The following ADAM12 variants were observed in gnomAD, a reference collection of about 807,000 sequenced individuals.
ADAM12 encodes ADAM metallopeptidase domain 12.
In ADAM12, 70 loss-of-function variants were observed where a neutral mutation model predicts 106.4. The ratio of observed to expected loss-of-function variants is 0.66; its 90% confidence interval spans 0.54 to 0.80. The LOEUF is 0.80. Ranked by LOEUF, ADAM12 falls within the 30% of genes least tolerant of loss-of-function variation. The probability of loss-of-function intolerance (pLI) is 0.00; values close to 1 mark genes in which losing one functional copy is unlikely to be tolerated. For synonymous variants in ADAM12, 420 were observed against 433.5 expected (o/e 0.97, Z 0.39); for missense variants, 1,010 against 1,171.9 (o/e 0.86, Z 2.02).
Position 126,043,767 on chromosome 10 carries a change from G to A in ADAM12, c.1996-619C>T, listed in dbSNP as rs1228132474. Among the ~76,000 whole-genome samples the A allele has an allele frequency of 6.6e-6, 1 of 152,238 alleles. No individual in the cohort carries two copies. Among genetic ancestry groups the A allele is most frequent in the Non-Finnish European group, 1.5e-5 (1 of 68,048 alleles). ...CCCGTGTGTCCTTCCTGCAACGCCT[G>A]CCTCCTTCTTGCAGAGGTTCCCAGT... On this transcript the variant is annotated intron_variant, in intron 17 of 22. Coordinates refer to ENST00000448723, the MANE Select transcript of ADAM12 (RefSeq NM_001288973.2). This position sits in a 1 kb window ranked among gnomAD's most constrained non-coding sequence, Gnocchi z 4.1.
chr10:126,184,622 G>T (rs1957367411), intron 3 of ADAM12, among the ~76,000 whole-genome samples: 1 of 152,132 alleles, frequency 6.6e-6, no homozygotes, highest in African/African-American at 2.4e-5. Flanking sequence ...ATTTTTCATG[G>T]TTTTGTCAAA....
intron 4 of ADAM12, among the ~76,000 whole-genome samples, chr10:126,139,014 A>G (rs955812498): frequency 1.3e-5 from 2 of 151,934 alleles, no homozygotes; most frequent in South Asian, 4.2e-4. Context: ...TCTCCAAATC[A>G]TTTTCTTTTG....
intron 1 of ADAM12, among the ~76,000 whole-genome samples, chr10:126,371,126 G>A (rs1431237846): frequency 6.6e-6 from 1 of 152,212 alleles, no homozygotes; most frequent in Non-Finnish European, 1.5e-5. Context: ...GAATGTCCTA[G>A]CCTTGGCTTT....
chr10:126,214,394 T>A (rs1001375594), intron 3 of ADAM12, among the ~76,000 whole-genome samples: 2 of 152,208 alleles, frequency 1.3e-5, no homozygotes, highest in Non-Finnish European at 2.9e-5. Flanking sequence ...ATAACATTTA[T>A]AAAGCACTTA....
At chr10:126,369,097 T>C (rs1421531957) in intron 1 of ADAM12, among the ~76,000 whole-genome samples, 16 of 152,230 alleles carry the variant, frequency 1.1e-4, no homozygotes. Flanking sequence ...ACCTTTTCCA[T>C]ATCAAATATT....
chr10:126,244,575 G>C (rs559116436), intron 3 of ADAM12, among the ~76,000 whole-genome samples: 1 of 152,308 alleles, frequency 6.6e-6, no homozygotes, highest in East Asian at 1.9e-4. Flanking sequence ...TCTTCCTTCA[G>C]CAGGAAAGTG....
chr10:126,238,201 C>T (rs1047593922), intron 3 of ADAM12, among the ~76,000 whole-genome samples: 3 of 152,158 alleles, frequency 2.0e-5, no homozygotes, highest in African/African-American at 4.8e-5. Flanking sequence ...AAATCCTGGC[C>T]GGGCAGGGTG....
chr10:126,251,939 TG>T, intron 3 of ADAM12, among the ~76,000 whole-genome samples: 1 of 19,058 alleles, frequency 5.2e-5, no homozygotes, highest in East Asian at 1.3e-3. Context: ...GATGGATGGA[TG>T]GGATGATGGG....
intron 3 of ADAM12, among the ~76,000 whole-genome samples, chr10:126,240,181 C>T (rs1958495286): frequency 6.6e-6 from 1 of 152,246 alleles, no homozygotes; most frequent in Non-Finnish European, 1.5e-5. Context: ...TCCTTGCCTC[C>T]CACTCAGTGT....
At chr10:126,194,413 A>C (rs1349688907) in intron 3 of ADAM12, among the ~76,000 whole-genome samples, 1 of 152,126 alleles carries the variant, frequency 6.6e-6, no homozygotes, top group Non-Finnish European at 1.5e-5. Context: ...CTCACCATTT[A>C]TCGGGAAGCA....
chr10:126,194,315 T>C (rs1292804394), intron 3 of ADAM12, among the ~76,000 whole-genome samples: 1 of 145,684 alleles, frequency 6.9e-6, no homozygotes, highest in East Asian at 2.0e-4. Flanking sequence ...TTCTGGACAC[T>C]GTCAGCCCAC....
At chr10:126,041,748 G>C in intron 18 of ADAM12, 1 of 1,046,816 alleles carries the variant, frequency 9.6e-7, no homozygotes, top group Non-Finnish European at 1.2e-6. Flanking sequence ...ACTGGGGAAA[G>C]GGGACACTGG....
chr10:126,200,574 A>G (rs906716489), intron 3 of ADAM12, among the ~76,000 whole-genome samples: 16 of 152,108 alleles, frequency 1.1e-4, no homozygotes, highest in Non-Finnish European at 2.4e-4. Flanking sequence ...ACCACGATAT[A>G]ATGGTTCCCA....
At chr10:126,257,093 T>G (rs551796763) in intron 3 of ADAM12, among the ~76,000 whole-genome samples, 1 of 152,188 alleles carries the variant, frequency 6.6e-6, no homozygotes, top group Non-Finnish European at 1.5e-5. Flanking sequence ...TCTCAGCCCC[T>G]TCCTCCCTGA....
At chr10:126,196,543 G>T (rs1264481045) in intron 3 of ADAM12, among the ~76,000 whole-genome samples, 2 of 152,204 alleles carry the variant, frequency 1.3e-5, no homozygotes, top group African/African-American at 4.8e-5. Flanking sequence ...CATTTACTGA[G>T]CAACTCTGAT....
intron 1 of ADAM12, among the ~76,000 whole-genome samples, chr10:126,387,266 C>CGGGA (rs990892042): frequency 4.6e-5 from 7 of 152,228 alleles, no homozygotes; most frequent in African/African-American, 1.7e-4. Flanking sequence ...ACTGTGCAAA[C>CGGGA]GGGAGCCACA....
At chr10:126,060,579 C>A (rs536309597) in intron 14 of ADAM12, among the ~76,000 whole-genome samples, 9 of 152,312 alleles carry the variant, frequency 5.9e-5, no homozygotes, top group Admixed American at 2.0e-4. Flanking sequence ...GGAAATACTG[C>A]AAATGCAAAC....
intron 12 of ADAM12, among the ~76,000 whole-genome samples, chr10:126,068,470 G>A (rs1431890963): frequency 6.6e-6 from 1 of 152,212 alleles, no homozygotes; most frequent in African/African-American, 2.4e-5. Context: ...CTTCAAAGGG[G>A]ATGATAATGT....
At chr10:126,061,647 G>C (rs2133471166) in intron 14 of ADAM12, among the ~76,000 whole-genome samples, 1 of 152,300 alleles carries the variant, frequency 6.6e-6, no homozygotes, top group African/African-American at 2.4e-5. Context: ...GACTACAGAA[G>C]CAGAAGTCGG....
Sources: gnomAD v4.1 joint callset for allele counts (sites outside exome capture counted in the v4.1 genomes callset) on GRCh38, gnomAD v4.1.1 for gene constraint, Gnocchi (gnomAD v3.1) non-coding constraint, MANE v1.5 for transcripts, NCBI Gene and HGNC (gene_info 2026-07-23, HGNC 2026-07-21) for gene names.